The following SPOCK3 variants were observed in gnomAD, a reference collection of about 807,000 sequenced individuals.
SPOCK3 encodes the protein testican-3.
Under a neutral mutation model 56.6 loss-of-function variants are expected in SPOCK3, and 30 were observed. The observed-to-expected ratio is 0.53, with a 90% CI of 0.40 to 0.72. The LOEUF (loss-of-function observed/expected upper bound fraction) is 0.72, where lower values mean the gene tolerates loss of function less well. Among genes scored for constraint, SPOCK3 ranks in the 30% least tolerant of loss-of-function variants. SPOCK3 has a pLI of 0.00. For missense variants in SPOCK3, 527 were observed against 530.0 expected (o/e 0.99, Z 0.06); for synonymous variants, 196 against 183.3 (o/e 1.07, Z -0.56).
At chr4:166,777,950 C>G (rs575197773) in intron 7 of SPOCK3, among the ~76,000 whole-genome samples, 1 of 152,204 alleles carries the variant, frequency 6.6e-6, no homozygotes, top group South Asian at 2.1e-4. Flanking sequence ...GGTATCAGTA[C>G]TATTAATAGA....
chr4:166,908,310 A>C lies in SPOCK3; in HGVS notation c.474+4310T>G, dbSNP rs774821093. Among the ~76,000 whole-genome samples the C allele has an allele frequency of 6.4e-3, 803 of 124,972 alleles. 4 individuals carry two copies. Among genetic ancestry groups the C allele is most frequent in the African/African-American group, 7.0e-3 (226 of 32,156 alleles). The allele number at this position is 124,972 out of a possible 152,430, so 82.0% of individuals were successfully genotyped here. ...CACACACACACACACACACACACAC[A>C]CCCCTACCTTTTATTTAAGTATTCA... On this transcript the variant is annotated intron_variant, in intron 5 of 10. Coordinates refer to ENST00000357545, the MANE Select transcript of SPOCK3 (RefSeq NM_001040159.2).
intron 4 of SPOCK3, among the ~76,000 whole-genome samples, chr4:166,931,891 C>A (rs1289639386): frequency 6.6e-6 from 1 of 152,196 alleles, no homozygotes; most frequent in African/African-American, 2.4e-5. Context: ...TACTATTGGA[C>A]CTTCCCTATT....
In SPOCK3 at chr4:166,735,020, A is replaced by G. The variant is rs1734081155; in HGVS notation, c.1203T>C (p.Asp401=). 3 of 1,554,062 alleles carry G rather than the reference A, an allele frequency of 1.9e-6. No homozygotes were observed. Among genetic ancestry groups the G allele is most frequent in the Non-Finnish European group, 2.7e-6 (3 of 1,126,290 alleles). The change falls in exon 11 of 11, where the codon GAT becomes GAC. Residue 401 remains aspartate, a synonymous_variant. Coordinates refer to ENST00000357545, the MANE Select transcript of SPOCK3 (RefSeq NM_001040159.2). The part of the protein sequence containing the change: ...DFHEWTDDED[D]EDDIMNDEDE... ...CTTCATCATTCATAATATCGTCTTC[A>G]TCATCCTCATCATCAGTCCATTCAT...
intron 7 of SPOCK3, among the ~76,000 whole-genome samples, chr4:166,791,371 G>A (rs1180047914): frequency 6.6e-6 from 1 of 152,130 alleles, no homozygotes; most frequent in Non-Finnish European, 1.5e-5. Context: ...CAGGATAGGC[G>A]ATGAATGTCA....
At chr4:166,957,052 G>A (rs1051822177) in intron 4 of SPOCK3, among the ~76,000 whole-genome samples, 2 of 152,036 alleles carry the variant, frequency 1.3e-5, no homozygotes, top group East Asian at 1.9e-4. Context: ...CCAGGATTTC[G>A]AGACCAGCCT....
At chr4:166,901,256 C>T (rs926718692) in intron 5 of SPOCK3, among the ~76,000 whole-genome samples, 2 of 152,116 alleles carry the variant, frequency 1.3e-5, no homozygotes, top group African/African-American at 2.4e-5. Context: ...TCAGCTATCA[C>T]TCCAAAAACA....
At chr4:167,199,559 G>T (rs1365898252) in intron 2 of SPOCK3, among the ~76,000 whole-genome samples, 1 of 151,804 alleles carries the variant, frequency 6.6e-6, no homozygotes, top group Non-Finnish European at 1.5e-5. Flanking sequence ...ATTCATTCTA[G>T]GTCAGCTTCT....
chr4:166,845,411 A>G (rs1747959003), intron 6 of SPOCK3, among the ~76,000 whole-genome samples: 1 of 152,246 alleles, frequency 6.6e-6, no homozygotes, highest in Non-Finnish European at 1.5e-5. Context: ...CAAAAAAACT[A>G]CAAATCTAAT....
At chr4:166,941,413 C>A (rs1329200037) in intron 4 of SPOCK3, among the ~76,000 whole-genome samples, 3 of 152,178 alleles carry the variant, frequency 2.0e-5, no homozygotes, top group Non-Finnish European at 4.4e-5. Flanking sequence ...GTAACTGTTT[C>A]CTTTTTTATC....
At chr4:166,803,500 A>C (rs905058717) in intron 6 of SPOCK3, among the ~76,000 whole-genome samples, 1 of 152,168 alleles carries the variant, frequency 6.6e-6, no homozygotes, top group African/African-American at 2.4e-5. Flanking sequence ...GCAACTAGGG[A>C]CAAGACCAAG....
intron 6 of SPOCK3, among the ~76,000 whole-genome samples, chr4:166,830,741 C>T (rs529042332): frequency 3.4e-4 from 52 of 150,790 alleles, no homozygotes; most frequent in African/African-American, 1.3e-3. Flanking sequence ...TCCCTCCCCG[C>T]CCCGCTCGAA....
chr4:166,897,342 G>T (rs1735503267), intron 5 of SPOCK3, among the ~76,000 whole-genome samples: 1 of 152,074 alleles, frequency 6.6e-6, no homozygotes, highest in Non-Finnish European at 1.5e-5. Flanking sequence ...ATTCAATTTT[G>T]TTTGTTTAGG....
At chr4:167,185,569 G>C (rs972439118) in intron 2 of SPOCK3, among the ~76,000 whole-genome samples, 1 of 151,988 alleles carries the variant, frequency 6.6e-6, no homozygotes, top group South Asian at 2.1e-4. Flanking sequence ...AAGTTTCCCT[G>C]TATAAATGCC....
At chr4:166,978,868 A>T (rs933565492) in intron 4 of SPOCK3, among the ~76,000 whole-genome samples, 6 of 152,208 alleles carry the variant, frequency 3.9e-5, no homozygotes, top group Non-Finnish European at 8.8e-5. Context: ...TATTTCTAGA[A>T]ATGTTCAGAA....
chr4:167,191,709 A>G (rs1732484075), intron 2 of SPOCK3, among the ~76,000 whole-genome samples: 1 of 145,378 alleles, frequency 6.9e-6, no homozygotes, highest in Non-Finnish European at 1.5e-5. Context: ...TTCTACATAT[A>G]AGATTATATC....
intron 3 of SPOCK3, among the ~76,000 whole-genome samples, chr4:167,053,035 G>C (rs1754385547): frequency 6.6e-6 from 1 of 152,102 alleles, no homozygotes; most frequent in Non-Finnish European, 1.5e-5. Context: ...TTCCTTTGTA[G>C]CCAAATACTG....
In SPOCK3 at chr4:166,807,292, G is replaced by T. The variant is rs925432781; in HGVS notation, c.590-15003C>A. Among the ~76,000 whole-genome samples the T allele has an allele frequency of 1.7e-4, 26 of 149,120 alleles. 1 individual carries two copies. Among genetic ancestry groups the T allele is most frequent in the Admixed American group, 1.1e-3 (17 of 14,948 alleles). On this transcript the variant is annotated intron_variant, in intron 6 of 10. Coordinates refer to ENST00000357545, the MANE Select transcript of SPOCK3 (RefSeq NM_001040159.2). ...TGTATGGCTAGCTTTGGGACTGAGT[G>T]ACTATGCATAAAGCCTAAAAAAAAA...
At chr4:166,874,744 G>A (rs905247827) in intron 6 of SPOCK3, among the ~76,000 whole-genome samples, 4 of 152,124 alleles carry the variant, frequency 2.6e-5, no homozygotes, top group African/African-American at 9.7e-5. Flanking sequence ...GTAGATTGTA[G>A]AATTGTATTT....
intron 2 of SPOCK3, among the ~76,000 whole-genome samples, chr4:167,227,787 C>T (rs909103937): frequency 1.3e-5 from 2 of 152,026 alleles, no homozygotes; most frequent in Non-Finnish European, 2.9e-5. Flanking sequence ...TGTGTGAGAA[C>T]ATAAAATGTC....
Sources: gnomAD v4.1 joint callset for allele counts (sites outside exome capture counted in the v4.1 genomes callset) on GRCh38, gnomAD v4.1.1 for gene constraint, MANE v1.5 for transcripts, NCBI Gene and HGNC (gene_info 2026-07-23, HGNC 2026-07-21) for gene names.